Variants in CNTLN observed in about 807,000 individuals in gnomAD.
CNTLN encodes centlein.
Under a neutral mutation model 180.0 loss-of-function variants are expected in CNTLN, and 212 were observed. That is an observed-to-expected ratio of 1.18 (90% CI 1.05 to 1.32). The LOEUF is 1.32. Ranked by LOEUF, CNTLN falls within the 40% of genes most tolerant of loss-of-function variation. CNTLN has a pLI of 0.00. For synonymous variants in CNTLN, 722 were observed against 563.1 expected, an observed-to-expected ratio of 1.28 and a Z score of -3.99; for missense variants, 2,095 against 1,610.9, an observed-to-expected ratio of 1.30 and a Z score of -5.14.
At chr9:17,428,538 C>G (rs1047580580) in intron 18 of CNTLN, among the ~76,000 whole-genome samples, 1 of 152,066 alleles carries the variant, frequency 6.6e-6, no homozygotes, top group African/African-American at 2.4e-5. Flanking sequence ...TTTGAAAAAG[C>G]TGATTTTGTT....
chr9:17,463,790 C>T (rs1831588012), intron 20 of CNTLN, among the ~76,000 whole-genome samples: 1 of 151,570 alleles, frequency 6.6e-6, no homozygotes, highest in Admixed American at 6.6e-5. Context: ...GCTTCCCTAC[C>T]TACTAGGCCT....
intron 6 of CNTLN, among the ~76,000 whole-genome samples, chr9:17,283,588 T>C (rs1356195733): frequency 6.6e-6 from 1 of 152,138 alleles, no homozygotes. Flanking sequence ...TACCCTTTGT[T>C]TCTTTGTCTT....
At chr9:17,436,280 G>T (rs963714498) in intron 18 of CNTLN, among the ~76,000 whole-genome samples, 1 of 152,144 alleles carries the variant, frequency 6.6e-6, no homozygotes, top group Non-Finnish European at 1.5e-5. Context: ...GTCTGAGTCA[G>T]ATCCAGCTAA....
At chr9:17,167,516 A>C (rs1449845175) in intron 2 of CNTLN, 1 of 152,230 alleles carries the variant, frequency 6.6e-6, no homozygotes, top group African/African-American at 2.4e-5. Context: ...TAGGCTGTTA[A>C]GGCCTGATAG....
At chr9:17,274,405 A>C (rs914821444) in intron 6 of CNTLN, among the ~76,000 whole-genome samples, 3 of 152,014 alleles carry the variant, frequency 2.0e-5, no homozygotes, top group African/African-American at 2.4e-5. Flanking sequence ...AGAAAATAGT[A>C]TGAGAGAGAA....
chr9:17,401,207 G>A (rs1476633922), intron 15 of CNTLN, among the ~76,000 whole-genome samples: 2 of 152,160 alleles, frequency 1.3e-5, no homozygotes, highest in Admixed American at 6.5e-5. Context: ...TTAGGATAAA[G>A]TAGTAGAGTT....
chr9:17,238,876 T>C (rs1825317688), intron 5 of CNTLN, among the ~76,000 whole-genome samples: 1 of 152,156 alleles, frequency 6.6e-6, no homozygotes, highest in South Asian at 2.1e-4. Context: ...GTTTTTAAGC[T>C]TTTGAGGAAC....
Position 17,409,453 on chromosome 9 carries a change from A to G in CNTLN, c.2776A>G (p.Ile926Val). Residue 926 changes from isoleucine to valine, a missense_variant, in exon 16 of 26, where the codon ATA (isoleucine) becomes GTA (valine). Transcript: ENST00000380647. Reference protein sequence around the residue: ...GKEIVQTYLNIDGKTPKDYFH... With the variant: ...GKEIVQTYLNVDGKTPKDYFH... ...AGAAATAGTACAGACATATTTAAATATAGATGGCAAGACCCCAAAGGTAAA... is the reference window on the plus strand; with the variant it reads ...AGAAATAGTACAGACATATTTAAATGTAGATGGCAAGACCCCAAAGGTAAA... 6.2e-7 allele frequency: 1 copy of G among 1,601,672 alleles called. No homozygotes were observed. The highest frequency in any genetic ancestry group is 8.5e-7 in the Non-Finnish European group (1 of 1,176,768).
chr9:17,223,415 A>G (rs1290677262), intron 2 of CNTLN, among the ~76,000 whole-genome samples: 1 of 151,952 alleles, frequency 6.6e-6, no homozygotes, highest in Non-Finnish European at 1.5e-5. Context: ...TTGATTAGGC[A>G]TCTCAAACTT....
At chr9:17,475,796 C>T (rs146149532) in intron 23 of CNTLN, among the ~76,000 whole-genome samples, 1,907 of 151,422 alleles carry the variant, frequency 0.013, 13 homozygotes, top group Non-Finnish European at 0.02. Flanking sequence ...TGGCGTGAAC[C>T]CGGGAGGTGG....
chr9:17,223,692 C>T (rs980687033), intron 2 of CNTLN, among the ~76,000 whole-genome samples: 4 of 151,928 alleles, frequency 2.6e-5, no homozygotes, highest in Non-Finnish European at 4.4e-5. Flanking sequence ...TTTTTGCTTT[C>T]TCCCTTGACC....
At position 17,354,270 on chromosome 9, in the gene CNTLN, C is replaced by A. The variant is rs112178182; in HGVS notation, c.1886+11826C>A. 2.9e-3 allele frequency among the ~76,000 whole-genome samples: 448 copies of A among 152,334 alleles called. 4 individuals carry two copies. Among genetic ancestry groups the A allele is most frequent in the African/African-American group, 0.01 (424 of 41,582 alleles). On this transcript the variant is annotated intron_variant, in intron 12 of 25. Coordinates refer to ENST00000380647, the MANE Select transcript of CNTLN (RefSeq NM_017738.4). The stretch of plus-strand genomic sequence containing the variant: ...GAGCCTCCCCGACGAGCACCACCCC[C>A]TGCTCCAGGGCGCCCAGTCCCGTAG...
Position 17,316,440 on chromosome 9 carries a change from G to C in CNTLN, c.1341+7188G>C, listed in dbSNP as rs934981680. Among the ~76,000 whole-genome samples the C allele has an allele frequency of 2.0e-5, 3 of 152,080 alleles. No homozygotes were observed. The South Asian group carries it at 6.2e-4, about 32-fold the overall frequency. On this transcript the variant is annotated intron_variant, in intron 8 of 25. Coordinates refer to ENST00000380647, the MANE Select transcript of CNTLN (RefSeq NM_017738.4). ...GCTTAATGTATGCTCTTTAACTTAG[G>C]ATGGGGCTATGTCCTGATAAACCTA...
At chr9:17,356,368 C>G (rs1481364968) in intron 12 of CNTLN, among the ~76,000 whole-genome samples, 2 of 152,140 alleles carry the variant, frequency 1.3e-5, no homozygotes, top group African/African-American at 4.8e-5. Flanking sequence ...TGGAAAGTTT[C>G]AGAATAAGAT....
In CNTLN at chr9:17,156,739, A is replaced by G. The variant is rs185037304; in HGVS notation, c.449+13363A>G. Among the ~76,000 whole-genome samples the G allele has an allele frequency of 5.1e-3, 770 of 152,338 alleles. 5 individuals carry two copies. Among genetic ancestry groups the G allele is most frequent in the Admixed American group, 7.8e-3 (120 of 15,296 alleles). ...TCCAGACCACTGCAATAAAGCAAAT[A>G]TTGCAATAAAGCAAATATTACAATA... On this transcript the variant is annotated intron_variant, in intron 2 of 25. Transcript: ENST00000380647.
At chr9:17,400,355 T>C (rs568245199) in intron 15 of CNTLN, among the ~76,000 whole-genome samples, 2 of 152,276 alleles carry the variant, frequency 1.3e-5, no homozygotes, top group Admixed American at 6.5e-5. Context: ...GCCAGGCTGG[T>C]CTGGAACTCC....
At chr9:17,501,247 T>C (rs1252487910) in intron 25 of CNTLN, among the ~76,000 whole-genome samples, 1 of 152,214 alleles carries the variant, frequency 6.6e-6, no homozygotes, top group African/African-American at 2.4e-5. Flanking sequence ...AGCTCCTGGG[T>C]TTCTAGGGAA....
At chr9:17,235,368 C>A (rs1420517624) in intron 3 of CNTLN, among the ~76,000 whole-genome samples, 1 of 151,942 alleles carries the variant, frequency 6.6e-6, no homozygotes, top group African/African-American at 2.4e-5. Flanking sequence ...TTCGTAAAAT[C>A]TTGTTTTTCT....
At chr9:17,447,291 T>C in intron 18 of CNTLN, 1 of 204,384 alleles carries the variant, frequency 4.9e-6, no homozygotes, top group East Asian at 1.2e-4. Flanking sequence ...AACTGGCAGA[T>C]ACATTCAGCC....
Sources: allele counts gnomAD v4.1 joint callset (sites outside exome capture counted in the v4.1 genomes callset), GRCh38; gene constraint gnomAD v4.1.1; transcripts MANE v1.5; gene names NCBI Gene and HGNC (gene_info 2026-07-23, HGNC 2026-07-21).